PRR5L: variants seen among roughly 807,000 people sequenced by gnomAD.
The protein encoded by PRR5L is proline rich 5 like, also known as proline-rich protein 5-like.
Under a neutral mutation model 36.4 loss-of-function variants are expected in PRR5L, and 21 were observed. The ratio of observed to expected loss-of-function variants is 0.58; its 90% CI spans 0.41 to 0.83. The LOEUF (loss-of-function observed/expected upper bound fraction) is 0.83, where lower values mean the gene tolerates loss of function less well. Among genes scored for constraint, PRR5L ranks in the 40% least tolerant of loss-of-function variants. The pLI is 0.00. For synonymous variants in PRR5L, 188 were observed against 197.0 expected (o/e 0.95, Z 0.38); for missense variants, 381 against 473.3 (o/e 0.80, Z 1.81).
intron 1 of PRR5L, among the ~76,000 whole-genome samples, chr11:36,361,406 A>T (rs1217200400): frequency 6.6e-6 from 1 of 152,248 alleles, no homozygotes; most frequent in Non-Finnish European, 1.5e-5. Context: ...AATGGCTTTT[A>T]AAATTATTTT....
At chr11:36,461,677 GC>G (rs1859185167) in intron 8 of PRR5L, among the ~76,000 whole-genome samples, 1 of 152,122 alleles carries the variant, frequency 6.6e-6, no homozygotes, top group African/African-American at 2.4e-5. Context: ...TCCTGTGTCT[GC>G]CTCCTTGGGG....
At chr11:36,456,822 C>T (rs1859067938) in intron 8 of PRR5L, among the ~76,000 whole-genome samples, 2 of 152,234 alleles carry the variant, frequency 1.3e-5, no homozygotes, top group South Asian at 2.1e-4. Flanking sequence ...CATGGAGGTA[C>T]ACAAGTGTGC....
chr11:36,347,763 G>A (rs115830107), intron 1 of PRR5L, among the ~76,000 whole-genome samples: 182 of 151,882 alleles, frequency 1.2e-3, no homozygotes, highest in African/African-American at 4.3e-3. Context: ...ATGTAAGGGC[G>A]AGATCCTTAC....
rs145719843 is a variant in PRR5L at position 36,361,871 on chromosome 11, C to T, written c.-125-39126C>T. Among the ~76,000 whole-genome samples, 260 of 152,068 alleles carry T rather than the reference C, an allele frequency of 1.7e-3. 1 individual carries two copies. The highest frequency in any genetic ancestry group is 6.0e-3 in the African/African-American group (249 of 41,470). The stretch of plus-strand genomic sequence containing the variant: ...AATGGAATGGCTGTTAAAGAGAGAT[C>T]GCGAGCCTCTCTTCCCTCGAGGGGC... On this transcript the variant is annotated intron_variant, in intron 1 of 8. Coordinates refer to ENST00000530639, the MANE Select transcript of PRR5L (RefSeq NM_001160167.2).
intron 1 of PRR5L, chr11:36,376,550 C>T (rs1857265452): frequency 2.0e-6 from 2 of 1,002,792 alleles, no homozygotes; most frequent in East Asian, 1.1e-4. Context: ...GGGCAGAGCG[C>T]GACGGGGAGA....
intron 1 of PRR5L, chr11:36,329,081 A>G (rs1266190650): frequency 6.6e-6 from 1 of 152,244 alleles, no homozygotes; most frequent in Non-Finnish European, 1.5e-5. Context: ...TGGTTGAAGC[A>G]GACAATAAAC....
At chr11:36,345,163 G>T (rs1337789653) in intron 1 of PRR5L, among the ~76,000 whole-genome samples, 3 of 152,112 alleles carry the variant, frequency 2.0e-5, no homozygotes, top group African/African-American at 7.2e-5. Context: ...CCGGTGAGAG[G>T]TGGTTTGAGG....
chr11:36,317,742 T>C (rs1856572159), intron 1 of PRR5L, among the ~76,000 whole-genome samples: 1 of 152,198 alleles, frequency 6.6e-6, no homozygotes, highest in African/African-American at 2.4e-5. Flanking sequence ...ATCATTCTGG[T>C]TCCTGGTGGT....
chr11:36,399,507 T>C (rs11033588), intron 1 of PRR5L, among the ~76,000 whole-genome samples: 4,124 of 152,320 alleles, frequency 0.027, 191 homozygotes, highest in African/African-American at 0.091. Flanking sequence ...CTTCGGTTCC[T>C]CCTTCTTCAA....
At chr11:36,301,613 G>A (rs920945440) in intron 1 of PRR5L, among the ~76,000 whole-genome samples, 3 of 152,114 alleles carry the variant, frequency 2.0e-5, no homozygotes, top group Non-Finnish European at 4.4e-5. Context: ...GGGGGGTCGG[G>A]GTGTTGTCCT....
chr11:36,348,461 C>A (rs868271166), intron 1 of PRR5L, among the ~76,000 whole-genome samples: 14 of 152,172 alleles, frequency 9.2e-5, no homozygotes, highest in Non-Finnish European at 1.3e-4. Flanking sequence ...CCTGCTTTAA[C>A]TAACCAAGTC....
At chr11:36,351,045 T>TGTA (rs1856934154) in intron 1 of PRR5L, among the ~76,000 whole-genome samples, 8 of 2,832 alleles carry the variant, frequency 2.8e-3, no homozygotes, top group South Asian at 6.8e-3. Flanking sequence ...TTTTAATATA[T>TGTA]TTTATATGTA....
Position 36,464,923 on chromosome 11 carries a change from A to T in PRR5L, c.*2187A>T, listed in dbSNP as rs1255208656. 1 of 152,208 alleles carries T rather than the reference A, an allele frequency of 6.6e-6. No individual in the cohort carries two copies. The highest frequency in any genetic ancestry group is 1.5e-5 in the Non-Finnish European group (1 of 68,032). The allele number at this position is 152,208 out of a possible 1,614,324, so 9.4% of individuals were successfully genotyped here. A position where few individuals can be genotyped will look rare whatever the true frequency, so the allele number is the denominator to read the frequency against. ...GCCAGTTTACAACTTTTTACCATCG[A>T]TGTACACATTTGATATTTGTGCAGT... On this transcript the variant is annotated 3_prime_UTR_variant, in exon 9 of 9. Coordinates refer to ENST00000530639, the MANE Select transcript of PRR5L (RefSeq NM_001160167.2).
At chr11:36,384,880 A>G (rs926178100) in intron 1 of PRR5L, among the ~76,000 whole-genome samples, 2 of 148,212 alleles carry the variant, frequency 1.3e-5, no homozygotes, top group African/African-American at 2.5e-5. Context: ...TAGATTGCCC[A>G]GGCTGGTCTC....
chr11:36,446,277 C>T (rs537603402), intron 6 of PRR5L, 23 bp from the exon 7 acceptor site: 2 of 1,611,590 alleles, frequency 1.2e-6, no homozygotes, highest in South Asian at 1.1e-5. Context: ...ACCTCCCGGC[C>T]CTCTCTCCTC....
At chr11:36,387,291 T>C (rs905310295) in intron 1 of PRR5L, among the ~76,000 whole-genome samples, 2 of 152,060 alleles carry the variant, frequency 1.3e-5, no homozygotes, top group Non-Finnish European at 2.9e-5. Context: ...GGAGGAAGGA[T>C]AGCATTAGGA....
chr11:36,326,384 A>G (rs1856663179), intron 1 of PRR5L, among the ~76,000 whole-genome samples: 1 of 151,810 alleles, frequency 6.6e-6, no homozygotes, highest in Non-Finnish European at 1.5e-5. Flanking sequence ...ACAACCATCT[A>G]TGATTCAATT....
At chr11:36,327,099 T>C (rs1017838697) in intron 1 of PRR5L, among the ~76,000 whole-genome samples, 2 of 152,270 alleles carry the variant, frequency 1.3e-5, no homozygotes, top group African/African-American at 2.4e-5. Flanking sequence ...AAGCAGTCTC[T>C]GTTTCATTTA....
Position 36,328,917 on chromosome 11 carries a change from T to C in PRR5L, c.-126+32479T>C, listed in dbSNP as rs534360523. 2.0e-5 allele frequency among the ~76,000 whole-genome samples: 3 copies of C among 152,322 alleles called. No individual in the cohort carries two copies. The South Asian group carries it at 6.2e-4, about 32-fold the overall frequency. Reference sequence around the variant, plus strand: ...AATTATTTAATTGCCCCATATTCCATTTAACCAGTCTTCCAATCCTGGGAA... The same window carrying C: ...AATTATTTAATTGCCCCATATTCCACTTAACCAGTCTTCCAATCCTGGGAA... On this transcript the variant is annotated intron_variant, in intron 1 of 8. Transcript: ENST00000530639.
Sources: gnomAD v4.1 joint callset for allele counts (sites outside exome capture counted in the v4.1 genomes callset) on GRCh38, gnomAD v4.1.1 for gene constraint, MANE v1.5 for transcripts, NCBI Gene and HGNC (gene_info 2026-07-23, HGNC 2026-07-21) for gene names.